PRMT8: variants seen among roughly 807,000 people sequenced by gnomAD.
PRMT8 encodes protein arginine methyltransferase 8.
In PRMT8, 7 loss-of-function variants were observed where a neutral mutation model predicts 47.1. The observed-to-expected ratio is 0.15, with a 90% CI of 0.08 to 0.28. The LOEUF (loss-of-function observed/expected upper bound fraction) is 0.28. Ranked by LOEUF, PRMT8 falls within the 10% of genes least tolerant of loss-of-function variation. The pLI, the probability that PRMT8 is intolerant of heterozygous loss-of-function variation, is 1.00. For missense variants in PRMT8, 237 were observed against 505.4 expected (o/e 0.47, Z 5.09); for synonymous variants, 188 against 186.5 (o/e 1.01, Z -0.07).
At chr12:3,482,460 T>G (rs1462273146) in intron 1 of PRMT8, among the ~76,000 whole-genome samples, 1 of 152,180 alleles carries the variant, frequency 6.6e-6, no homozygotes, top group African/African-American at 2.4e-5. Context: ...CTGGGCAGTA[T>G]GTAAGCCCAG....
intron 4 of PRMT8, among the ~76,000 whole-genome samples, chr12:3,568,417 T>C (rs1344348163): frequency 6.6e-6 from 1 of 152,150 alleles, no homozygotes; most frequent in African/African-American, 2.4e-5. Context: ...TCAGTTGTAA[T>C]GTGCTTACCT....
upstream of PRMT8, among the ~76,000 whole-genome samples, chr12:3,487,516 A>C (rs1254636162): frequency 6.6e-6 from 1 of 152,210 alleles, no homozygotes; most frequent in African/African-American, 2.4e-5. Flanking sequence ...GAGTCCCAGC[A>C]CAAGGCAGGT....
intron 1 of PRMT8, among the ~76,000 whole-genome samples, chr12:3,495,044 A>G (rs1425453827): frequency 2.0e-5 from 3 of 152,084 alleles, no homozygotes; most frequent in African/African-American, 7.2e-5. Flanking sequence ...CCTGTTCCCT[A>G]GGTGTCATGA....
At chr12:3,590,953 G>A (rs1293140983) in intron 8 of PRMT8, among the ~76,000 whole-genome samples, 2 of 152,148 alleles carry the variant, frequency 1.3e-5, no homozygotes, top group Non-Finnish European at 2.9e-5. Context: ...TGGGGGGAAG[G>A]CATTTATCTT....
At chr12:3,551,079 C>CG (rs1357438959) in intron 3 of PRMT8, 1 of 146,220 alleles carries the variant, frequency 6.8e-6, no homozygotes, top group Admixed American at 6.7e-5. Context: ...CCTGGGGACC[C>CG]CCCCCCGCCC....
In PRMT8 at chr12:3,540,622, C is replaced by T; in HGVS notation, c.92C>T (p.Ser31Phe). Residue 31 changes from serine (S) to phenylalanine (F), a missense_variant, in exon 2 of 10, where the codon TCC (serine) becomes TTC (phenylalanine). By Grantham distance (155) the Ser-to-Phe change is radical. This residue lies in a region of PRMT8 where 43 missense variants were observed against 32.4 expected (regional missense o/e 1.33). Transcript: ENST00000382622. ...TCCCCTCAGGTGAACAGCCCCCCCT[C>T]CCAGCCCCCCCAGCCCGTCGTCCCT... The part of the protein sequence containing the change: ...AESTEVNSPP[S>F]QPPQPVVPAK... 1 of 697,230 alleles carries T rather than the reference C, an allele frequency of 1.4e-6. No individual in the cohort carries two copies. Among genetic ancestry groups the T allele is most frequent in the Non-Finnish European group, 2.5e-6 (1 of 403,756 alleles). The allele number at this position is 697,230 out of a possible 1,614,324, so 43.2% of individuals were successfully genotyped here. A position where few individuals can be genotyped will look rare whatever the true frequency, so the allele number is the denominator to read the frequency against.
chr12:3,459,494 CT>C (rs1460280110), intron 1 of PRMT8, among the ~76,000 whole-genome samples: 1 of 152,240 alleles, frequency 6.6e-6, no homozygotes, highest in East Asian at 1.9e-4. Context: ...CCTCCTTTGA[CT>C]GCAAGTGCAG....
rs1245946824 is a variant in PRMT8, at chr12:3,409,214, C to G, written c.48+27772C>G. 1.3e-5 allele frequency among the ~76,000 whole-genome samples: 2 copies of G among 152,136 alleles called. No individual in the cohort carries two copies. The highest frequency in any genetic ancestry group is 2.9e-5 in the Non-Finnish European group (2 of 68,022). ...CTGAGGCACACTGCAGCAGCTCAGG[C>G]CCTGCTGGATTTTTAACTATGACCC... On this transcript the variant is annotated intron_variant, in intron 1 of 9. Coordinates refer to the PRMT8 transcript ENST00000452611. The surrounding 1 kb of genome is among the most constrained non-coding windows in gnomAD (Gnocchi z 4.4).
intron 8 of PRMT8, among the ~76,000 whole-genome samples, chr12:3,587,951 G>T (rs1867215460): frequency 6.6e-6 from 1 of 151,092 alleles, no homozygotes; most frequent in Non-Finnish European, 1.5e-5. Flanking sequence ...CAGCCAGTGG[G>T]CACGGTGCCC....
At position 3,530,185 on chromosome 12, in the gene PRMT8, CCT is replaced by C. The variant is rs1375026837; in HGVS notation, c.76-10416_76-10415del. On this transcript the variant is annotated intron_variant, in intron 1 of 9. Transcript: ENST00000382622. ...TCCCAATTTTGCTTTTCTTCTGCCA[CCT>C]CTCTGCCCTCTCAAGGGAAGTGAAT... Among the ~76,000 whole-genome samples the C allele has an allele frequency of 2.6e-5, 4 of 152,256 alleles. No individual in the cohort carries two copies. The East Asian group carries it at 7.7e-4, about 29-fold the overall frequency.
rs1025233597 is a variant in PRMT8 at position 3,569,124 on chromosome 12, C to T, written c.624+276C>T. ...GTTCTCTCTTGTCGAGTTAAAGGTC[C>T]GTTTCGGTCAGCAAGTACTTAGGAC... On this transcript the variant is annotated intron_variant, in intron 5 of 9. Transcript: ENST00000382622. The surrounding 1 kb of genome is among the most constrained non-coding windows in gnomAD (Gnocchi z 8.2). Among the ~76,000 whole-genome samples the T allele has an allele frequency of 1.1e-4, 16 of 152,144 alleles. No individual in the cohort carries two copies. The highest frequency in any genetic ancestry group is 3.9e-4 in the East Asian group (2 of 5,186).
chr12:3,505,728 C>A (rs1356110163), intron 1 of PRMT8, among the ~76,000 whole-genome samples: 1 of 152,182 alleles, frequency 6.6e-6, no homozygotes. Context: ...GTTGACATGG[C>A]CTCCTTCCTC....
chr12:3,591,448 T>A (rs1867303900), intron 8 of PRMT8, among the ~76,000 whole-genome samples: 1 of 140,744 alleles, frequency 7.1e-6, no homozygotes, highest in Non-Finnish European at 1.5e-5. Flanking sequence ...TCTCACTCAC[T>A]GGTTTGCACC....
intron 6 of PRMT8, among the ~76,000 whole-genome samples, chr12:3,573,591 G>A (rs2137213911): frequency 6.6e-6 from 1 of 152,316 alleles, no homozygotes; most frequent in East Asian, 1.9e-4. Context: ...AGAGACAGGT[G>A]AATCACACCT....
chr12:3,446,243 C>T (rs1864853859), intron 1 of PRMT8, among the ~76,000 whole-genome samples: 1 of 152,124 alleles, frequency 6.6e-6, no homozygotes, highest in African/African-American at 2.4e-5. Flanking sequence ...AATTATTTTG[C>T]TTGGAAGGAC....
Position 3,493,595 on chromosome 12 carries a change from C to A in PRMT8, c.75+1895C>A, listed in dbSNP as rs1278517283. On this transcript the variant is annotated intron_variant, in intron 1 of 9. Transcript: ENST00000382622. The surrounding 1 kb of genome is among the most constrained non-coding windows in gnomAD (Gnocchi z 8.2). ...CCCTGCCAGGTTCCGCAGTGTGCAG[C>A]GGCGGCTGCTGCGCTCTCCCAGCCT... Among the ~76,000 whole-genome samples, 1 of 152,098 alleles carries A rather than the reference C, an allele frequency of 6.6e-6. No individual in the cohort carries two copies. Among genetic ancestry groups the A allele is most frequent in the African/African-American group, 2.4e-5 (1 of 41,346 alleles).
rs147551876 is a variant in PRMT8 at position 3,516,519 on chromosome 12, C to T, written c.76-24087C>T. On this transcript the variant is annotated intron_variant, in intron 1 of 9. Transcript: ENST00000382622. The stretch of plus-strand genomic sequence containing the variant: ...ATAAGCAAATATATGAAGTGGTGTC[C>T]GGTGCTGAAGAAAGTTCTGAAGAAA... 4.5e-4 allele frequency among the ~76,000 whole-genome samples: 69 copies of T among 152,082 alleles called. 2 individuals carry two copies. The East Asian group carries it at 8.3e-3, about 18-fold the overall frequency.
intron 8 of PRMT8, among the ~76,000 whole-genome samples, chr12:3,586,106 T>A (rs1233874076): frequency 6.6e-6 from 1 of 152,176 alleles, no homozygotes; most frequent in Non-Finnish European, 1.5e-5. Flanking sequence ...ATAGTTTTAT[T>A]TTCCTTGAGA....
chr12:3,563,814 G>A (rs961291815), intron 4 of PRMT8, among the ~76,000 whole-genome samples: 2 of 152,108 alleles, frequency 1.3e-5, no homozygotes, highest in African/African-American at 2.4e-5. Flanking sequence ...GTTCCTAGGA[G>A]GATTACTGAA....
Sources: gnomAD v4.1 joint callset for allele counts (sites outside exome capture counted in the v4.1 genomes callset) on GRCh38, gnomAD v4.1.1 for gene constraint, gnomAD v4.1.1 regional missense constraint, Gnocchi (gnomAD v3.1) non-coding constraint, MANE v1.5 for transcripts, NCBI Gene and HGNC (gene_info 2026-07-23, HGNC 2026-07-21) for gene names.